SLC30A9: variants seen among roughly 807,000 people sequenced by gnomAD.
SLC30A9 encodes the protein solute carrier family 30 member 9, also known as proton-coupled zinc antiporter SLC30A9, mitochondrial.
A neutral mutation model predicts 87.5 loss-of-function variants in SLC30A9; 58 were observed. The observed-to-expected ratio is 0.66, with a 90% CI of 0.54 to 0.82. SLC30A9 has a LOEUF of 0.82. SLC30A9 is among the 40% of genes least tolerant of loss of function. The pLI is 0.00. For missense variants in SLC30A9, 557 were observed against 679.1 expected (o/e 0.82, Z 2.00); for synonymous variants, 234 against 233.0 (o/e 1.00, Z -0.04).
In SLC30A9 at chr4:42,049,396, T is replaced by C; in HGVS notation, c.757T>C (p.Phe253Leu). 1 of 1,610,672 alleles carries C rather than the reference T, an allele frequency of 6.2e-7. No homozygotes were observed. ...TTCTAGCAATGGATTAAACTGCTTC[T>C]TTAAATTTCTTGCCTGGATTTATAC... Reference protein sequence around the residue: ...AICINGLNCFFKFLAWIYTGS... With the variant: ...AICINGLNCFLKFLAWIYTGS... The change falls in exon 9 of 18, where the codon TTT becomes CTT. Residue 253 changes from phenylalanine to leucine, a missense_variant. Coordinates refer to ENST00000264451, the MANE Select transcript of SLC30A9 (RefSeq NM_006345.4).
At chr4:42,066,951 A>T in intron 13 of SLC30A9, 134 bp from the exon 14 acceptor site, 2 of 591,224 alleles carry the variant, frequency 3.4e-6, no homozygotes, top group African/African-American at 3.7e-5. Context: ...GGTTTTTAAA[A>T]TCATAATCTC....
chr4:42,020,869 G>A (rs554393551), intron 4 of SLC30A9: 150 of 165,024 alleles, frequency 9.1e-4, no homozygotes, highest in Non-Finnish European at 1.3e-3. Context: ...GACTGTTTTG[G>A]TTTTTTGGCC....
At chr4:42,057,318 C>A (rs1209627435) in intron 9 of SLC30A9, among the ~76,000 whole-genome samples, 1 of 152,230 alleles carries the variant, frequency 6.6e-6, no homozygotes, top group Non-Finnish European at 1.5e-5. Context: ...GTGCAGCAAA[C>A]TTCTACCTGG....
chr4:42,030,501 T>C (rs914498478), intron 6 of SLC30A9, among the ~76,000 whole-genome samples: 5 of 152,162 alleles, frequency 3.3e-5, no homozygotes, highest in Non-Finnish European at 5.9e-5. Context: ...CCATGTGTTA[T>C]CGTATCTGTT....
At position 42,087,530 on chromosome 4, in the gene SLC30A9, G is replaced by A. The variant is rs1718965012; in HGVS notation, c.*1404G>A. The A allele has an allele frequency of 6.6e-6, 1 of 151,204 alleles. No individual in the cohort carries two copies. The highest frequency in any genetic ancestry group is 2.4e-5 in the African/African-American group (1 of 41,214). The allele number at this position is 151,204 out of a possible 1,614,324, so 9.4% of individuals were successfully genotyped here. A position where few individuals can be genotyped will look rare whatever the true frequency, so the allele number is the denominator to read the frequency against. On this transcript the variant is annotated 3_prime_UTR_variant, in exon 18 of 18. Coordinates refer to ENST00000264451, the MANE Select transcript of SLC30A9 (RefSeq NM_006345.4). ...AATCCTTGGTTAAAGGGTTTGTAAT[G>A]GTGATTTTTGACCCAGAAATCTCAT...
intron 2 of SLC30A9, among the ~76,000 whole-genome samples, chr4:42,005,798 C>G (rs953118437): frequency 6.6e-6 from 1 of 152,134 alleles, no homozygotes; most frequent in Non-Finnish European, 1.5e-5. Flanking sequence ...TAAAGGAAGT[C>G]CTTTATTCAT....
At chr4:42,008,023 C>G (rs1374258493) in intron 2 of SLC30A9, among the ~76,000 whole-genome samples, 1 of 152,120 alleles carries the variant, frequency 6.6e-6, no homozygotes, top group African/African-American at 2.4e-5. Context: ...ACTATTCTGA[C>G]TCTCAAAGTT....
chr4:42,035,250 T>C, intron 6 of SLC30A9, 25 bp from the exon 7 acceptor site: 2 of 1,580,092 alleles, frequency 1.3e-6, no homozygotes, highest in Non-Finnish European at 1.7e-6. Flanking sequence ...ATCTATGACC[T>C]AAATTTATTT....
rs1463819885 is a variant in SLC30A9, at chr4:42,075,700, G to A, written c.1462G>A (p.Val488Ile). 1.2e-6 allele frequency: 2 copies of A among 1,613,752 alleles called. No homozygotes were observed. The highest frequency in any genetic ancestry group is 8.5e-7 in the Non-Finnish European group (1 of 1,179,812). ...AGCCACAGATCTGGGATTAGGTAAA[G>A]TAAGATTTAAGGCAGAAGTAGATTT... ...VKATDLGLGK[V>I]RFKAEVDFDG... The change falls in exon 16 of 18, where the codon GTA becomes ATA. Residue 488 changes from valine to isoleucine, a missense_variant. This residue lies in a region of SLC30A9 where 90 missense variants were observed against 149.4 expected (regional missense o/e 0.60). Coordinates refer to ENST00000264451, the MANE Select transcript of SLC30A9 (RefSeq NM_006345.4).
intron 6 of SLC30A9, among the ~76,000 whole-genome samples, chr4:42,030,543 A>C (rs1716381707): frequency 6.7e-6 from 1 of 150,030 alleles, no homozygotes; most frequent in Non-Finnish European, 1.5e-5. Flanking sequence ...TTTGCTGTCC[A>C]AGGTGTAAAT....
At chr4:42,020,188 C>T (rs1027358977) in intron 3 of SLC30A9, among the ~76,000 whole-genome samples, 4 of 152,160 alleles carry the variant, frequency 2.6e-5, no homozygotes, top group Non-Finnish European at 5.9e-5. Flanking sequence ...CAAAGGTTGA[C>T]ATTTTGGGAT....
chr4:42,023,091 CTAAA>C (rs1482378914), intron 5 of SLC30A9, among the ~76,000 whole-genome samples, 161 bp downstream of exon 5: 1 of 152,150 alleles, frequency 6.6e-6, no homozygotes, highest in Non-Finnish European at 1.5e-5. Context: ...TACTCCTTAA[CTAAA>C]TATATGTCAT....
intron 17 of SLC30A9, among the ~76,000 whole-genome samples, chr4:42,082,289 T>C (rs1718772016): frequency 6.6e-6 from 1 of 151,942 alleles, no homozygotes. Flanking sequence ...TCAAAGGACA[T>C]GTTCATAGTT....
rs117999270 is a variant in SLC30A9, at chr4:42,005,903, A to C, written c.274+4123A>C. Among the ~76,000 whole-genome samples the C allele has an allele frequency of 1.6e-4, 25 of 152,332 alleles. No homozygotes were observed. In the East Asian group the frequency reaches 4.6e-3, roughly 28 times the overall value. On this transcript the variant is annotated intron_variant, in intron 2 of 17. Coordinates refer to ENST00000264451, the MANE Select transcript of SLC30A9 (RefSeq NM_006345.4). ...GAGTTGATTACTAAAGCAGAAAATT[A>C]AGCAAACAAATATTGTATTGTAACA...
At position 42,028,307 on chromosome 4, in the gene SLC30A9, G is replaced by A. The variant is rs1260062781; in HGVS notation, c.610+4923G>A. On this transcript the variant is annotated intron_variant, in intron 6 of 17. Transcript: ENST00000264451. ...TAATTTTTTTTGTATTTTTAGTAGA[G>A]ATGGGGTTTCACCATGTTAGCCAGG... Among the ~76,000 whole-genome samples, 3 of 152,254 alleles carry A rather than the reference G, an allele frequency of 2.0e-5. No homozygotes were observed. In the East Asian group the frequency reaches 5.8e-4, roughly 29 times the overall value.
At chr4:42,007,202 A>G (rs1715245441) in intron 2 of SLC30A9, among the ~76,000 whole-genome samples, 2 of 152,176 alleles carry the variant, frequency 1.3e-5, no homozygotes, top group Non-Finnish European at 1.5e-5. Context: ...ATTAGGACTT[A>G]GTAATTGAAT....
chr4:42,022,243 AC>A (rs1353422049), intron 4 of SLC30A9, among the ~76,000 whole-genome samples: 16 of 48,068 alleles, frequency 3.3e-4, no homozygotes, highest in Admixed American at 1.8e-3. Context: ...CTTATTTTTC[AC>A]TTTTTTTTTT....
intron 15 of SLC30A9, among the ~76,000 whole-genome samples, chr4:42,075,332 C>T (rs552340811): frequency 4.6e-5 from 7 of 151,504 alleles, no homozygotes; most frequent in Non-Finnish European, 7.4e-5. Context: ...GCTCGGCCTC[C>T]GAAAGTGTTG....
intron 15 of SLC30A9, among the ~76,000 whole-genome samples, chr4:42,075,034 TATATATATATATATATATATATA>T (rs1718468184): frequency 5.1e-4 from 4 of 7,880 alleles, no homozygotes; most frequent in Non-Finnish European, 1.2e-3. Flanking sequence ...TATATATATA[TATATATATATATATATATATATA>T]TATTTTTTTT....
Sources: allele counts gnomAD v4.1 joint callset (sites outside exome capture counted in the v4.1 genomes callset), GRCh38; gene constraint gnomAD v4.1.1; regional missense constraint gnomAD v4.1.1; transcripts MANE v1.5; gene names NCBI Gene and HGNC (gene_info 2026-07-23, HGNC 2026-07-21).